Variants in TXNRD1 observed in about 807,000 individuals in gnomAD.
TXNRD1 encodes thioredoxin reductase 1, cytoplasmic.
TXNRD1 carries 57 observed loss-of-function variants against 80.3 expected under a neutral mutation model. The ratio of observed to expected loss-of-function variants is 0.71; its 90% CI spans 0.57 to 0.89. The LOEUF is 0.89. TXNRD1 is among the 40% of genes least tolerant of loss of function. The pLI, the probability that TXNRD1 is intolerant of heterozygous loss-of-function variation, is 0.00. For synonymous variants in TXNRD1, 291 were observed against 285.2 expected (o/e 1.02, Z -0.20); for missense variants, 730 against 803.0 (o/e 0.91, Z 1.10).
Position 104,348,556 on chromosome 12 carries a change from C to G in TXNRD1, c.*135C>G. On this transcript the variant is annotated 3_prime_UTR_variant, in exon 17 of 17. Transcript: ENST00000525566. ...CCTGTGCTTACCACCGCCCAAGGCC[C>G]CCTTGGATCTCTTGGATAGGAGTTG... The G allele has an allele frequency of 1.3e-6, 1 of 741,034 alleles. No individual in the cohort carries two copies. Among genetic ancestry groups the G allele is most frequent in the Non-Finnish European group, 2.3e-6 (1 of 444,136 alleles). The allele number at this position is 741,034 out of a possible 1,614,324, so 45.9% of individuals were successfully genotyped here.
Position 104,225,715 on chromosome 12 carries a change from CTT to C in TXNRD1, c.91+9838_91+9839del, listed in dbSNP as rs35057067. Among the ~76,000 whole-genome samples, 308 of 141,488 alleles carry C rather than the reference CTT, an allele frequency of 2.2e-3. 3 individuals are homozygous for C. Among genetic ancestry groups the C allele is most frequent in the African/African-American group, 6.6e-3 (256 of 38,570 alleles). 92.8% of individuals were successfully genotyped at this position (141,488 alleles called of 152,430 possible). On this transcript the variant is annotated intron_variant, in intron 1 of 16. Coordinates refer to ENST00000525566, the MANE Select transcript of TXNRD1 (RefSeq NM_001093771.3). ...GCAGAACTATGAATCAATTAAACCT[CTT>C]TTTTTTTTTTTTTTTATAAATTACC...
intron 6 of TXNRD1, 106 bp from the exon 7 acceptor site, chr12:104,315,670 AT>A: frequency 1.5e-6 from 2 of 1,313,560 alleles, no homozygotes; most frequent in Non-Finnish European, 2.0e-6. Flanking sequence ...CATTAAGCAA[AT>A]ATAATACAAT....
At chr12:104,263,161 G>A (rs192986703) in intron 3 of TXNRD1, among the ~76,000 whole-genome samples, 1 of 152,290 alleles carries the variant, frequency 6.6e-6, no homozygotes, top group Admixed American at 6.5e-5. Context: ...TATCCTCCTT[G>A]TGCCAGAGGC....
At chr12:104,265,518 G>C in intron 3 of TXNRD1, 2 of 1,610,972 alleles carry the variant, frequency 1.2e-6, no homozygotes. Flanking sequence ...TGTTTGAGAA[G>C]TCCCCCCTGC....
intron 3 of TXNRD1, among the ~76,000 whole-genome samples, chr12:104,274,068 A>G (rs35453744): frequency 0.037 from 5,690 of 152,168 alleles, 153 homozygotes; most frequent in Middle Eastern, 0.068. Flanking sequence ...AAAACAAAAC[A>G]AAACAAACAA....
intron 4 of TXNRD1, among the ~76,000 whole-genome samples, chr12:104,310,274 G>T (rs914446709): frequency 6.6e-6 from 1 of 151,758 alleles, no homozygotes; most frequent in African/African-American, 2.4e-5. Flanking sequence ...CTCAGCCTCC[G>T]GAGTAGCTGA....
At chr12:104,227,565 C>A (rs912296598) in intron 1 of TXNRD1, among the ~76,000 whole-genome samples, 3 of 152,146 alleles carry the variant, frequency 2.0e-5, no homozygotes, top group African/African-American at 7.2e-5. Context: ...CCGTGTCTGG[C>A]CTTTGGTGTT....
intron 2 of TXNRD1, among the ~76,000 whole-genome samples, chr12:104,257,403 CTTTTTTTT>C (rs57917719): frequency 6.5e-5 from 5 of 76,986 alleles, no homozygotes; most frequent in East Asian, 4.1e-4. Flanking sequence ...TGTTCCAATG[CTTTTTTTT>C]TTTTTTTTTT....
At chr12:104,241,693 TTTTATTTA>T (rs112014885) in intron 1 of TXNRD1, among the ~76,000 whole-genome samples, 11 of 151,386 alleles carry the variant, frequency 7.3e-5, no homozygotes, top group African/African-American at 1.5e-4. Flanking sequence ...TAAATTTTAC[TTTTATTTA>T]TTTATTTATT....
chr12:104,344,055 A>C (rs1280877437), intron 16 of TXNRD1, among the ~76,000 whole-genome samples: 1 of 152,186 alleles, frequency 6.6e-6, no homozygotes, highest in African/African-American at 2.4e-5. Context: ...GTGAGCCGAG[A>C]TCACGACACT....
At chr12:104,320,997 C>A in intron 9 of TXNRD1, 94 bp from the exon 10 acceptor site, 2 of 871,222 alleles carry the variant, frequency 2.3e-6, no homozygotes, top group Admixed American at 2.3e-5. Flanking sequence ...AAAGTATGTT[C>A]TTGTCAAAGT....
intron 4 of TXNRD1, chr12:104,304,965 G>A (rs766326037): frequency 1.3e-6 from 2 of 1,530,404 alleles, no homozygotes; most frequent in African/African-American, 1.4e-5. Flanking sequence ...TCCTTTTTGT[G>A]TTTTTTTTCT....
intron 4 of TXNRD1, among the ~76,000 whole-genome samples, chr12:104,290,490 C>G (rs2034143660): frequency 6.6e-6 from 1 of 151,430 alleles, no homozygotes; most frequent in African/African-American, 2.4e-5. Flanking sequence ...CTCAGGAGTT[C>G]CAGATCAGCC....
At position 104,251,654 on chromosome 12, in the gene TXNRD1, G is replaced by A; in HGVS notation, c.219G>A (p.Arg73=). Reference sequence around the variant, plus strand: ...GTCACTCTGTGGTCATCTTCAGTAGGTCCACATGCACACGCTGTACTGAGG... The same window carrying A: ...GTCACTCTGTGGTCATCTTCAGTAGATCCACATGCACACGCTGTACTGAGG... ...IDGHSVVIFS[R]STCTRCTEVK... is the part of the protein sequence containing the mutation. Residue 73 remains arginine (R), a synonymous_variant, in exon 2 of 17, where the codon AGG becomes AGA. Coordinates refer to ENST00000525566, the MANE Select transcript of TXNRD1 (RefSeq NM_001093771.3). The A allele has an allele frequency of 6.2e-7, 1 of 1,613,966 alleles. No homozygotes were observed. Among genetic ancestry groups the A allele is most frequent in the Admixed American group, 1.7e-5 (1 of 59,996 alleles).
At chr12:104,311,255 G>A in intron 4 of TXNRD1, 35 bp from the exon 5 acceptor site, 1 of 1,525,876 alleles carries the variant, frequency 6.6e-7, no homozygotes, top group Non-Finnish European at 8.8e-7. Flanking sequence ...CTGATTTTAA[G>A]TTAAATTATT....
At chr12:104,320,646 G>GC (rs1555215906) in intron 9 of TXNRD1, among the ~76,000 whole-genome samples, 1 of 146,232 alleles carries the variant, frequency 6.8e-6, no homozygotes, top group Admixed American at 6.8e-5. Context: ...GATATTGAAA[G>GC]TTTTTTTTTT....
chr12:104,303,132 T>C (rs925776139), intron 4 of TXNRD1, among the ~76,000 whole-genome samples: 2 of 152,168 alleles, frequency 1.3e-5, no homozygotes, highest in African/African-American at 4.8e-5. Flanking sequence ...ACCTGAGTAA[T>C]GCCCGTGCCC....
intron 16 of TXNRD1, among the ~76,000 whole-genome samples, chr12:104,347,534 T>A (rs2135905012): frequency 6.6e-6 from 1 of 152,320 alleles, no homozygotes; most frequent in Middle Eastern, 3.4e-3. Context: ...TTCAGGTACC[T>A]TGAAAATCTA....
At chr12:104,236,697 G>C (rs1161731392) in intron 1 of TXNRD1, among the ~76,000 whole-genome samples, 1 of 150,828 alleles carries the variant, frequency 6.6e-6, no homozygotes, top group East Asian at 2.0e-4. Context: ...GCTGAGGCTG[G>C]AGAATCGCTT....
Sources: allele counts gnomAD v4.1 joint callset (sites outside exome capture counted in the v4.1 genomes callset), GRCh38; gene constraint gnomAD v4.1.1; transcripts MANE v1.5; gene names NCBI Gene and HGNC (gene_info 2026-07-23, HGNC 2026-07-21).